WDR20: variants seen among roughly 807,000 people sequenced by gnomAD.
WDR20 encodes WD repeat domain 20.
Under a neutral mutation model 38.7 loss-of-function variants are expected in WDR20, and 3 were observed. That is an observed-to-expected ratio of 0.08 (90% CI 0.04 to 0.20). The LOEUF is 0.20. WDR20 is among the 10% of genes least tolerant of loss of function. The pLI is 1.00. For missense variants in WDR20, 559 were observed against 727.7 expected (o/e 0.77, Z 2.67); for synonymous variants, 298 against 285.6 (o/e 1.04, Z -0.44).
chr14:102,222,950 G>A lies in WDR20; in HGVS notation c.*67G>A, dbSNP rs961209319. 19 of 1,591,964 alleles carry A rather than the reference G, an allele frequency of 1.2e-5. No homozygotes were observed. The highest frequency in any genetic ancestry group is 1.8e-4 in the Middle Eastern group (1 of 5,472). On this transcript the variant is annotated 3_prime_UTR_variant, in exon 4 of 4. Coordinates refer to the WDR20 transcript ENST00000335263. This position sits in a 1 kb window ranked among gnomAD's most constrained non-coding sequence, Gnocchi z 4.4. ...CGAGGGAGTGACGAGGAGGAGCTCC[G>A]AGCTGCGCCTGAGCCGTGCCAGCCG...
chr14:102,194,686 T>C (rs191146881), intron 1 of WDR20, among the ~76,000 whole-genome samples: 1 of 152,194 alleles, frequency 6.6e-6, no homozygotes, highest in African/African-American at 2.4e-5. Context: ...TTGTTACATA[T>C]ATTTGAAGGA....
In WDR20 at chr14:102,205,004, C is replaced by G. The variant is rs2150539; in HGVS notation, c.433-3599C>G. On this transcript the variant is annotated intron_variant, in intron 2 of 2. Transcript: ENST00000342702. Reference sequence around the variant, plus strand: ...GCTCACGCCTTTAATCCCAGCACTTCGAGAGGCCAAGGCAGGAGGATTGCT... The same window carrying G: ...GCTCACGCCTTTAATCCCAGCACTTGGAGAGGCCAAGGCAGGAGGATTGCT... 5.9e-5 allele frequency among the ~76,000 whole-genome samples: 9 copies of G among 152,208 alleles called. No homozygotes were observed. In the East Asian group the frequency reaches 1.2e-3, roughly 20 times the overall value.
At chr14:102,190,632 T>G (rs1237882655) in intron 1 of WDR20, among the ~76,000 whole-genome samples, 1 of 151,656 alleles carries the variant, frequency 6.6e-6, no homozygotes, top group Non-Finnish European at 1.5e-5. Flanking sequence ...GTGATATTGC[T>G]GTTGGGGAGG....
rs1369678639 is a variant in WDR20 at position 102,222,186 on chromosome 14, C to T, written c.1693-644C>T. The stretch of plus-strand genomic sequence containing the variant: ...GCTGGCCCTGGTGGGTTGGCCCCCA[C>T]ATCCCTTCTCCACACCCAGCTGCAG... On this transcript the variant is annotated intron_variant, in intron 3 of 3. Coordinates refer to the WDR20 transcript ENST00000335263. The surrounding 1 kb of genome is among the most constrained non-coding windows in gnomAD (Gnocchi z 4.4). 6.6e-6 allele frequency among the ~76,000 whole-genome samples: 1 copy of T among 152,080 alleles called. No individual in the cohort carries two copies. The highest frequency in any genetic ancestry group is 1.5e-5 in the Non-Finnish European group (1 of 68,006).
At chr14:102,181,068 A>G (rs1668483712) in intron 1 of WDR20, among the ~76,000 whole-genome samples, 1 of 152,008 alleles carries the variant, frequency 6.6e-6, no homozygotes, top group Non-Finnish European at 1.5e-5. Context: ...GAGGCAAGCA[A>G]CTCATGTCTT....
At chr14:102,155,875 AATG>A (rs1162464628) in intron 1 of WDR20, among the ~76,000 whole-genome samples, 1 of 151,616 alleles carries the variant, frequency 6.6e-6, no homozygotes, top group Non-Finnish European at 1.5e-5. Context: ...CCCGGGCTCA[AATG>A]ATCTTCCCAC....
At chr14:102,203,205 A>T (rs2060830541) in intron 2 of WDR20, among the ~76,000 whole-genome samples, 1 of 152,220 alleles carries the variant, frequency 6.6e-6, no homozygotes, top group Non-Finnish European at 1.5e-5. Context: ...CCCCAGTAGA[A>T]ATACAGTGCC....
At chr14:102,174,491 C>T (rs2061647732) in intron 1 of WDR20, among the ~76,000 whole-genome samples, 1 of 152,216 alleles carries the variant, frequency 6.6e-6, no homozygotes, top group Admixed American at 6.5e-5. Flanking sequence ...ACAATCTCGG[C>T]TCACTGCAAC....
chr14:102,188,574 GA>G (rs2065463324), intron 1 of WDR20, among the ~76,000 whole-genome samples: 1 of 151,994 alleles, frequency 6.6e-6, no homozygotes, highest in Non-Finnish European at 1.5e-5. Flanking sequence ...TATTGTTCCA[GA>G]AAAAAATTCC....
rs766780589 is a variant in WDR20 at position 102,140,045 on chromosome 14, A to C, written c.122A>C (p.Asn41Thr). ...AGCCGGCCCAACCGGGTGCCCTTCA[A>C]CTCGCAGGGATCCAACCCTGTCCGC... ...EYSRPNRVPF[N>T]SQGSNPVRVS... Residue 41 changes from asparagine to threonine, a missense_variant, in exon 1 of 3, where the codon AAC becomes ACC. Transcript: ENST00000342702. 5 of 1,614,030 alleles carry C rather than the reference A, an allele frequency of 3.1e-6. No individual in the cohort carries two copies. Among genetic ancestry groups the C allele is most frequent in the African/African-American group, 1.3e-5 (1 of 75,012 alleles).
In WDR20 at chr14:102,220,144, T is replaced by A. The variant is rs1047181276; in HGVS notation, c.1693-2686T>A. 3.9e-5 allele frequency among the ~76,000 whole-genome samples: 6 copies of A among 152,218 alleles called. No homozygotes were observed. The highest frequency in any genetic ancestry group is 1.4e-4 in the African/African-American group (6 of 41,452). ...TCAACATCAGGCTCTGGCAGCCTGG[T>A]GGCTGCGCCACCTCTGCGTCTCAGC... On this transcript the variant is annotated intron_variant, in intron 3 of 3. Transcript: ENST00000335263. The surrounding 1 kb of genome is among the most constrained non-coding windows in gnomAD (Gnocchi z 4.2).
chr14:102,170,304 C>T (rs1240012016), intron 1 of WDR20, among the ~76,000 whole-genome samples: 2 of 152,168 alleles, frequency 1.3e-5, no homozygotes, highest in Non-Finnish European at 2.9e-5. Flanking sequence ...TTTGTACATA[C>T]ATCATTTTGC....
intron 1 of WDR20, among the ~76,000 whole-genome samples, chr14:102,188,685 T>C (rs1268982734): frequency 6.6e-6 from 1 of 150,586 alleles, no homozygotes; most frequent in Non-Finnish European, 1.5e-5. Flanking sequence ...CTGGGCAACA[T>C]GGCAAGACAC....
At chr14:102,202,377 T>G (rs1426874107) in intron 2 of WDR20, among the ~76,000 whole-genome samples, 2 of 133,632 alleles carry the variant, frequency 1.5e-5, no homozygotes, top group Non-Finnish European at 3.2e-5. Context: ...TGGAGGTTTT[T>G]TTTTTTTTTT....
downstream of WDR20, chr14:102,224,744 G>A (rs1457665721): frequency 4.4e-6 from 2 of 455,926 alleles, no homozygotes; most frequent in Non-Finnish European, 8.8e-6. Context: ...CCACTCGAAG[G>A]CGCCAGCAGG....
chr14:102,200,463 TTTTTTGTGTGTGTGTGTG>T (rs1350673879), intron 2 of WDR20, among the ~76,000 whole-genome samples: 1 of 99,628 alleles, frequency 1.0e-5, no homozygotes, highest in Non-Finnish European at 2.0e-5. Flanking sequence ...TTAAATTTTT[TTTTTTGTGTGTGTGTGTG>T]TGTGTGTGTG....
chr14:102,145,211 A>G (rs1044527011), intron 1 of WDR20, among the ~76,000 whole-genome samples: 6 of 152,210 alleles, frequency 3.9e-5, no homozygotes, highest in African/African-American at 1.2e-4. Context: ...GTCTATACCA[A>G]ACTTGAAAGA....
intron 1 of WDR20, among the ~76,000 whole-genome samples, chr14:102,167,076 A>G (rs1448559325): frequency 1.3e-5 from 2 of 152,204 alleles, no homozygotes; most frequent in East Asian, 1.9e-4. Context: ...TTCCTAACAC[A>G]GCGTACAAGC....
At chr14:102,205,810 T>TG (rs1215160811) in intron 2 of WDR20, among the ~76,000 whole-genome samples, 1 of 152,044 alleles carries the variant, frequency 6.6e-6, no homozygotes, top group African/African-American at 2.4e-5. Flanking sequence ...GTCGGTTTTT[T>TG]TTTTTTTTGG....
Sources: allele counts gnomAD v4.1 joint callset (sites outside exome capture counted in the v4.1 genomes callset), GRCh38; gene constraint gnomAD v4.1.1; non-coding constraint Gnocchi (gnomAD v3.1); transcripts MANE v1.5; gene names NCBI Gene and HGNC (gene_info 2026-07-23, HGNC 2026-07-21).